DLGAP4: variants seen among roughly 807,000 people sequenced by gnomAD.
DLGAP4 encodes the protein disks large-associated protein 4.
Under a neutral mutation model 86.9 loss-of-function variants are expected in DLGAP4, and 18 were observed. The ratio of observed to expected loss-of-function variants is 0.21; its 90% CI spans 0.14 to 0.31. The LOEUF (loss-of-function observed/expected upper bound fraction) is 0.31. Among genes scored for constraint, DLGAP4 ranks in the 10% least tolerant of loss-of-function variants. DLGAP4 has a pLI of 1.00. For synonymous variants in DLGAP4, 548 were observed against 574.3 expected (o/e 0.95, Z 0.65); for missense variants, 1,085 against 1,362.6 (o/e 0.80, Z 3.21).
At chr20:36,403,992 A>G (rs528862588) in intron 2 of DLGAP4, among the ~76,000 whole-genome samples, 12 of 152,332 alleles carry the variant, frequency 7.9e-5, no homozygotes, top group African/African-American at 2.9e-4. Context: ...AGTATCTTTC[A>G]TAGTCTAGCT....
chr20:36,463,765 G>T (rs966189627), intron 7 of DLGAP4, among the ~76,000 whole-genome samples: 2 of 152,202 alleles, frequency 1.3e-5, no homozygotes, highest in African/African-American at 4.8e-5. Flanking sequence ...TTCCCCTGTA[G>T]AGTAGGGGAA....
intron 10 of DLGAP4, among the ~76,000 whole-genome samples, chr20:36,501,220 C>T (rs2036132041): frequency 6.6e-6 from 1 of 152,106 alleles, no homozygotes; most frequent in Admixed American, 6.5e-5. Context: ...CACGTGCCAC[C>T]ACACCTGGCT....
At chr20:36,421,469 A>G (rs529697220) in intron 2 of DLGAP4, among the ~76,000 whole-genome samples, 191 of 151,664 alleles carry the variant, frequency 1.3e-3, no homozygotes, top group African/African-American at 4.1e-3. Context: ...AAAAAAAAAA[A>G]AGAGAGAATA....
chr20:36,324,434 A>G (rs568453069), intron 1 of DLGAP4, among the ~76,000 whole-genome samples: 16 of 152,264 alleles, frequency 1.1e-4, no homozygotes, highest in Middle Eastern at 3.4e-3. Flanking sequence ...CAAAAGAAAA[A>G]CAAAAAGAGC....
intron 7 of DLGAP4, among the ~76,000 whole-genome samples, chr20:36,467,863 T>A (rs1421690862): frequency 6.6e-6 from 1 of 152,216 alleles, no homozygotes. Context: ...ATCTGTACAA[T>A]AAGCCAGAGG....
chr20:36,352,772 G>A (rs1293820848), intron 1 of DLGAP4, among the ~76,000 whole-genome samples: 1 of 152,110 alleles, frequency 6.6e-6, no homozygotes, highest in Non-Finnish European at 1.5e-5. Flanking sequence ...CCAGTGAGCA[G>A]GATAGGAGGC....
rs1427666145 is a variant in DLGAP4, at chr20:36,525,833, T to A, written c.2605-18T>A. ...GCCTCTGCTGAGCTGGCCCCACTGA[T>A]CCCCATCTGGCCCACAGAACCCTGA... On this transcript the variant is annotated intron_variant, in intron 11 of 12. Coordinates refer to ENST00000339266, the MANE Select transcript of DLGAP4 (RefSeq NM_001365621.2). 1.9e-6 allele frequency: 3 copies of A among 1,611,012 alleles called. No homozygotes were observed. The highest frequency in any genetic ancestry group is 2.5e-6 in the Non-Finnish European group (3 of 1,179,712).
intron 7 of DLGAP4, among the ~76,000 whole-genome samples, chr20:36,457,380 G>A (rs991017118): frequency 4.8e-4 from 73 of 150,698 alleles, no homozygotes; most frequent in Non-Finnish European, 9.2e-4. Flanking sequence ...CACCACGCCC[G>A]GCTAATTTTT....
At chr20:36,307,705 C>G (rs1325704756) in intron 1 of DLGAP4, among the ~76,000 whole-genome samples, 1 of 151,920 alleles carries the variant, frequency 6.6e-6, no homozygotes, top group East Asian at 1.9e-4. Context: ...TTCCAGCCCC[C>G]GGGGGACTGG....
chr20:36,415,459 G>C (rs1569491780), intron 2 of DLGAP4, among the ~76,000 whole-genome samples: 1 of 152,112 alleles, frequency 6.6e-6, no homozygotes. Flanking sequence ...TCTGGCTCTA[G>C]AGCCCATCCT....
chr20:36,359,309 C>CT (rs2030437086), intron 1 of DLGAP4, among the ~76,000 whole-genome samples: 1 of 152,160 alleles, frequency 6.6e-6, no homozygotes, highest in African/African-American at 2.4e-5. Flanking sequence ...AAAAATCAGT[C>CT]TTTTAATTGC....
At chr20:36,364,147 A>C (rs1456123347) in intron 1 of DLGAP4, among the ~76,000 whole-genome samples, 1 of 152,212 alleles carries the variant, frequency 6.6e-6, no homozygotes, top group Non-Finnish European at 1.5e-5. Context: ...ATGGTGGTAC[A>C]CACCTGTAGT....
intron 1 of DLGAP4, among the ~76,000 whole-genome samples, chr20:36,331,897 C>T (rs1349557775): frequency 1.3e-5 from 2 of 149,484 alleles, no homozygotes; most frequent in Admixed American, 6.7e-5. Flanking sequence ...GATCTGGGAT[C>T]GGGTGGGGGT....
chr20:36,380,827 G>GAGT (rs2031364490), intron 2 of DLGAP4, among the ~76,000 whole-genome samples: 1 of 152,206 alleles, frequency 6.6e-6, no homozygotes, highest in Non-Finnish European at 1.5e-5. Flanking sequence ...AGGAAAAGGA[G>GAGT]AGTAAAGCCT....
At chr20:36,320,112 C>CTCT (rs2065152057) in intron 1 of DLGAP4, among the ~76,000 whole-genome samples, 1 of 133,302 alleles carries the variant, frequency 7.5e-6, no homozygotes, top group Non-Finnish European at 1.5e-5. Flanking sequence ...TGTCGCATTC[C>CTCT]CCTAGGCCCC....
intron 7 of DLGAP4, chr20:36,462,443 G>A: frequency 6.5e-7 from 1 of 1,527,482 alleles, no homozygotes; most frequent in Non-Finnish European, 8.7e-7. Context: ...CTTTGCCTGG[G>A]GCCCTTGGCC....
intron 7 of DLGAP4, among the ~76,000 whole-genome samples, chr20:36,454,577 G>A (rs942115080): frequency 6.6e-6 from 1 of 152,078 alleles, no homozygotes; most frequent in African/African-American, 2.4e-5. Context: ...TCCCTACTGG[G>A]TCACCCCTGC....
chr20:36,432,449 C>T lies in DLGAP4; in HGVS notation c.732C>T (p.His244=), dbSNP rs143336960. 5.9e-5 allele frequency: 96 copies of T among 1,613,764 alleles called. No individual in the cohort carries two copies. The African/African-American group carries it at 8.8e-4, about 15-fold the overall frequency. ...GCAGCCAGCCACGCTACTTCATGCA[C>T]GCCTACAACACCATCAGTGGGCACA... ...AERSQPRYFM[H]AYNTISGHML... The change falls in exon 3 of 13, where the codon CAC becomes CAT. Residue 244 remains histidine, a synonymous_variant. Coordinates refer to ENST00000339266, the MANE Select transcript of DLGAP4 (RefSeq NM_001365621.2). This position sits in a 1 kb window ranked among gnomAD's most constrained non-coding sequence, Gnocchi z 6.5.
intron 7 of DLGAP4, among the ~76,000 whole-genome samples, chr20:36,456,377 C>T (rs185101938): frequency 1.3e-5 from 2 of 152,262 alleles, no homozygotes; most frequent in East Asian, 1.9e-4. Context: ...AGGTATGTTA[C>T]AGGAGTTGCA....
Sources: gnomAD v4.1 joint callset for allele counts (sites outside exome capture counted in the v4.1 genomes callset) on GRCh38, gnomAD v4.1.1 for gene constraint, Gnocchi (gnomAD v3.1) non-coding constraint, MANE v1.5 for transcripts, NCBI Gene and HGNC (gene_info 2026-07-23, HGNC 2026-07-21) for gene names.